CABLES1: variants seen among roughly 807,000 people sequenced by gnomAD.
CABLES1 encodes CDK5 and ABL1 enzyme substrate 1.
A neutral mutation model predicts 57.8 loss-of-function variants in CABLES1; 36 were observed. The observed-to-expected ratio is 0.62, with a 90% CI of 0.48 to 0.82. The LOEUF is 0.82. Among genes scored for constraint, CABLES1 ranks in the 40% least tolerant of loss-of-function variants. The probability of loss-of-function intolerance (pLI) is 0.00; values close to 1 mark genes in which losing one functional copy is unlikely to be tolerated. For missense variants in CABLES1, 767 were observed against 836.6 expected, an observed-to-expected ratio of 0.92 and a Z score of 1.03; for synonymous variants, 374 against 363.0, an observed-to-expected ratio of 1.03 and a Z score of -0.35.
intron 1 of CABLES1, among the ~76,000 whole-genome samples, chr18:23,155,242 T>C (rs2046958017): frequency 6.6e-6 from 1 of 152,130 alleles, no homozygotes; most frequent in Non-Finnish European, 1.5e-5. Flanking sequence ...GCTGGTGAGA[T>C]CTGGAATAAA....
intron 4 of CABLES1, among the ~76,000 whole-genome samples, chr18:23,231,721 G>A (rs1009534248): frequency 1.3e-5 from 2 of 152,076 alleles, no homozygotes; most frequent in Non-Finnish European, 2.9e-5. Flanking sequence ...ATGGGTTTGG[G>A]TTTTATCTCA....
rs1482724053 is a variant in CABLES1 at position 23,258,701 on chromosome 18, C to T, written c.*1334C>T. Reference sequence around the variant, plus strand: ...CGTGTGTCTCACCAGTCACCTTTGCCCTGCATTGCTGATCCCCTTGCGCAC... The same window carrying T: ...CGTGTGTCTCACCAGTCACCTTTGCTCTGCATTGCTGATCCCCTTGCGCAC... On this transcript the variant is annotated 3_prime_UTR_variant, in exon 10 of 10. Transcript: ENST00000256925. 6.6e-6 allele frequency: 1 copy of T among 152,108 alleles called. No individual in the cohort carries two copies. Among genetic ancestry groups the T allele is most frequent in the Non-Finnish European group, 1.5e-5 (1 of 68,050 alleles). 9.4% of individuals were successfully genotyped at this position (152,108 alleles called of 1,614,324 possible).
At chr18:23,257,202 G>C (rs1342094300) in intron 9 of CABLES1, 25 bp from the exon 10 acceptor site, 8 of 1,606,458 alleles carry the variant, frequency 5.0e-6, no homozygotes, top group South Asian at 1.1e-5. Flanking sequence ...AAATGAACAT[G>C]CTTTTGATTT....
chr18:23,192,211 G>A lies in CABLES1; in HGVS notation c.918-2237G>A, dbSNP rs75686305. ...GTGTCCAAAAATAAGGAGTTAAGCC[G>A]TCTCTACTAGTTGTCAAGAAAAACC... On this transcript the variant is annotated intron_variant, in intron 2 of 9. Transcript: ENST00000256925. Among the ~76,000 whole-genome samples the A allele has an allele frequency of 8.8e-3, 1,343 of 152,300 alleles. 20 individuals are homozygous for A. Among genetic ancestry groups the A allele is most frequent in the African/African-American group, 0.031 (1,271 of 41,564 alleles).
chr18:23,233,169 T>C (rs933319520), intron 4 of CABLES1, among the ~76,000 whole-genome samples: 3 of 151,938 alleles, frequency 2.0e-5, no homozygotes, highest in Non-Finnish European at 4.4e-5. Context: ...GCCTGGGGAG[T>C]GTTTAAAACT....
intron 7 of CABLES1, among the ~76,000 whole-genome samples, chr18:23,242,955 G>A (rs2047772436): frequency 6.6e-6 from 1 of 151,790 alleles, no homozygotes; most frequent in African/African-American, 2.4e-5. Flanking sequence ...GACTAATTCA[G>A]CCTTCCATGA....
intron 7 of CABLES1, among the ~76,000 whole-genome samples, chr18:23,246,605 A>G (rs141614991): frequency 1.4e-4 from 21 of 150,856 alleles, no homozygotes; most frequent in African/African-American, 3.5e-4. Context: ...GTTAGCCAGG[A>G]TGGTCTCGAT....
chr18:23,214,354 G>C (rs2047426449), intron 4 of CABLES1: 1 of 249,408 alleles, frequency 4.0e-6, no homozygotes, highest in Admixed American at 5.3e-5. Context: ...ATTCCACAGG[G>C]CCATGCCAAC....
intron 7 of CABLES1, among the ~76,000 whole-genome samples, chr18:23,238,691 T>C (rs1456377146): frequency 6.6e-6 from 1 of 152,230 alleles, no homozygotes; most frequent in Non-Finnish European, 1.5e-5. Context: ...GTTCACTGCC[T>C]TACTTATTAA....
intron 2 of CABLES1, among the ~76,000 whole-genome samples, chr18:23,191,906 TAAAAAAAAAAAAAAAAAAAAAA>T (rs147984743): frequency 2.4e-5 from 2 of 82,636 alleles, no homozygotes; most frequent in Non-Finnish European, 4.5e-5. Flanking sequence ...GTTGAATGCT[TAAAAAAAAAAAAAAAAAAAAAA>T]AAAAAAAAAA....
rs747275333 is a variant in CABLES1 at position 23,253,763 on chromosome 18, G to C, written c.1588G>C (p.Asp530His). The stretch of plus-strand genomic sequence containing the variant: ...AGAGATGCGGAAGCTTGCGCAGGAG[G>C]ACTGTGGCCTTGAGGAGCCCACGGT... ...KREMRKLAQE[D>H]CGLEEPTVAM... is the part of the protein sequence containing the mutation. Residue 530 changes from aspartate to histidine, a missense_variant, in exon 9 of 10, where the codon GAC becomes CAC. Coordinates refer to ENST00000256925, the MANE Select transcript of CABLES1 (RefSeq NM_001100619.3). 9 of 1,614,082 alleles carry C rather than the reference G, an allele frequency of 5.6e-6. No individual in the cohort carries two copies. Among genetic ancestry groups the C allele is most frequent in the Non-Finnish European group, 7.6e-6 (9 of 1,180,032 alleles).
chr18:23,156,148 A>AG (rs201110790), intron 1 of CABLES1, among the ~76,000 whole-genome samples: 360 of 152,150 alleles, frequency 2.4e-3, no homozygotes, highest in African/African-American at 8.2e-3. Context: ...TCTGGAACAG[A>AG]GGGGGGGCTC....
intron 9 of CABLES1, among the ~76,000 whole-genome samples, chr18:23,256,016 C>G (rs1185327626): frequency 6.6e-6 from 1 of 152,192 alleles, no homozygotes; most frequent in Non-Finnish European, 1.5e-5. Flanking sequence ...CCTTGGCCTT[C>G]CTTACATGGG....
At chr18:23,219,032 A>C in intron 4 of CABLES1, 2 of 371,068 alleles carry the variant, frequency 5.4e-6, no homozygotes, top group Admixed American at 6.8e-5. Flanking sequence ...TGCTATGTAA[A>C]ATTTCTTTAT....
At chr18:23,241,219 T>C (rs1461210370) in intron 7 of CABLES1, among the ~76,000 whole-genome samples, 4 of 152,140 alleles carry the variant, frequency 2.6e-5, no homozygotes, top group African/African-American at 9.7e-5. Context: ...CAGTAGATTT[T>C]TTTTTTTAAT....
chr18:23,155,082 G>A (rs2046956960), intron 1 of CABLES1, among the ~76,000 whole-genome samples: 1 of 152,172 alleles, frequency 6.6e-6, no homozygotes, highest in Admixed American at 6.6e-5. Context: ...AGTACTCTGT[G>A]AGCAGCAGCA....
At chr18:23,222,637 A>T (rs1042454329) in intron 4 of CABLES1, among the ~76,000 whole-genome samples, 1 of 151,474 alleles carries the variant, frequency 6.6e-6, no homozygotes, top group Non-Finnish European at 1.5e-5. Context: ...ATAGATATAG[A>T]TATATATTGC....
At chr18:23,180,079 C>G (rs546304729) in intron 1 of CABLES1, among the ~76,000 whole-genome samples, 1 of 152,006 alleles carries the variant, frequency 6.6e-6, no homozygotes, top group Non-Finnish European at 1.5e-5. Context: ...CCACCACGCC[C>G]GGCTAATTTT....
intron 1 of CABLES1, among the ~76,000 whole-genome samples, chr18:23,171,938 G>A (rs1276572863): frequency 1.3e-5 from 2 of 152,038 alleles, no homozygotes; most frequent in East Asian, 3.8e-4. Flanking sequence ...TCTTTTTTCG[G>A]TTTTATTTGA....
Sources: allele counts gnomAD v4.1 joint callset (sites outside exome capture counted in the v4.1 genomes callset), GRCh38; gene constraint gnomAD v4.1.1; transcripts MANE v1.5; gene names NCBI Gene and HGNC (gene_info 2026-07-23, HGNC 2026-07-21).